Variants in ADGRB3 observed in about 807,000 individuals in gnomAD.
ADGRB3 encodes brain-specific angiogenesis inhibitor 3.
ADGRB3 carries 37 observed loss-of-function variants against 193.4 expected under a neutral mutation model. The ratio of observed to expected loss-of-function variants is 0.19; its 90% CI spans 0.15 to 0.25. The LOEUF is 0.25. Ranked by LOEUF, ADGRB3 falls within the 10% of genes least tolerant of loss-of-function variation. ADGRB3 has a pLI of 1.00. For synonymous variants in ADGRB3, 690 were observed against 644.2 expected, an observed-to-expected ratio of 1.07 and a Z score of -1.08; for missense variants, 1,637 against 1,852.9, an observed-to-expected ratio of 0.88 and a Z score of 2.14.
intron 13 of ADGRB3, among the ~76,000 whole-genome samples, chr6:69,029,791 T>G (rs1218681957): frequency 6.6e-6 from 1 of 152,042 alleles, no homozygotes; most frequent in Non-Finnish European, 1.5e-5. Context: ...AATTAAGATT[T>G]CCTATAATAA....
chr6:69,093,508 T>C (rs1772775219), intron 17 of ADGRB3, among the ~76,000 whole-genome samples: 1 of 149,946 alleles, frequency 6.7e-6, no homozygotes, highest in Non-Finnish European at 1.5e-5. Context: ...GATAGAGTGG[T>C]TGGGCAGCCT....
chr6:68,762,329 G>A (rs1320235873), intron 3 of ADGRB3, among the ~76,000 whole-genome samples: 1 of 151,990 alleles, frequency 6.6e-6, no homozygotes, highest in Non-Finnish European at 1.5e-5. Flanking sequence ...ATGTTAACAG[G>A]TGAAAATAAC....
intron 17 of ADGRB3, among the ~76,000 whole-genome samples, chr6:69,150,215 G>C (rs1774633664): frequency 6.6e-6 from 1 of 152,100 alleles, no homozygotes; most frequent in African/African-American, 2.4e-5. Context: ...CCAGGTCCCA[G>C]TTGAGTCCAG....
intron 26 of ADGRB3, 27 bp downstream of exon 26, chr6:69,339,531 C>T: frequency 6.2e-7 from 1 of 1,600,104 alleles, no homozygotes; most frequent in Non-Finnish European, 8.6e-7. Context: ...TGATAGAGAA[C>T]AGTGATGGTT....
At chr6:69,308,532 C>T (rs1385183367) in intron 20 of ADGRB3, among the ~76,000 whole-genome samples, 1 of 151,626 alleles carries the variant, frequency 6.6e-6, no homozygotes, top group Non-Finnish European at 1.5e-5. Context: ...AGTTTATCAA[C>T]TAAAAGCATA....
At chr6:68,720,297 C>A (rs1009058949) in intron 3 of ADGRB3, among the ~76,000 whole-genome samples, 4 of 151,670 alleles carry the variant, frequency 2.6e-5, no homozygotes, top group Admixed American at 1.3e-4. Flanking sequence ...GCTAAGACAG[C>A]CCTAAATTCA....
intron 20 of ADGRB3, among the ~76,000 whole-genome samples, chr6:69,298,848 C>T (rs1767891576): frequency 6.6e-6 from 1 of 151,918 alleles, no homozygotes; most frequent in Non-Finnish European, 1.5e-5. Context: ...AATGTAAGAG[C>T]TCAGATATCT....
intron 3 of ADGRB3, among the ~76,000 whole-genome samples, chr6:68,843,836 T>C (rs1172581620): frequency 6.6e-6 from 1 of 151,984 alleles, no homozygotes; most frequent in Admixed American, 6.6e-5. Flanking sequence ...CATAGACCAA[T>C]AGAACAAAAT....
chr6:69,259,871 C>A (rs1408219417), intron 20 of ADGRB3, among the ~76,000 whole-genome samples: 2 of 151,976 alleles, frequency 1.3e-5, no homozygotes, highest in African/African-American at 2.4e-5. Context: ...TAATTGAATT[C>A]TTTAAGCTGT....
chr6:69,298,904 T>C (rs559898944), intron 20 of ADGRB3, among the ~76,000 whole-genome samples: 1 of 152,082 alleles, frequency 6.6e-6, no homozygotes, highest in African/African-American at 2.4e-5. Flanking sequence ...ACCCAGCAGT[T>C]GGATTGCTGG....
chr6:68,741,277 C>T (rs1043150542), intron 3 of ADGRB3, among the ~76,000 whole-genome samples: 3 of 152,146 alleles, frequency 2.0e-5, no homozygotes, highest in Non-Finnish European at 4.4e-5. Flanking sequence ...GAAACTAAGG[C>T]ACCCGGAGAT....
intron 12 of ADGRB3, among the ~76,000 whole-genome samples, chr6:69,014,947 G>A (rs991669111): frequency 1.3e-5 from 2 of 151,728 alleles, no homozygotes; most frequent in African/African-American, 4.8e-5. Context: ...TGTGACAGGA[G>A]CTCTAAAAAT....
chr6:69,322,987 T>C (rs1362331905), intron 20 of ADGRB3, among the ~76,000 whole-genome samples: 2 of 151,948 alleles, frequency 1.3e-5, no homozygotes, highest in African/African-American at 2.4e-5. Flanking sequence ...AAATTACATG[T>C]GCTTCAATTT....
chr6:68,884,398 G>T (rs1285453062), intron 3 of ADGRB3, among the ~76,000 whole-genome samples: 2 of 152,160 alleles, frequency 1.3e-5, no homozygotes, highest in Admixed American at 6.6e-5. Flanking sequence ...TAAAATAATA[G>T]ATTGACCTAA....
At chr6:69,225,158 G>A (rs1193949325) in intron 17 of ADGRB3, among the ~76,000 whole-genome samples, 6 of 151,970 alleles carry the variant, frequency 3.9e-5, no homozygotes, top group African/African-American at 9.7e-5. Context: ...GACTTTTGTT[G>A]ATAAACTCTT....
At chr6:68,926,476 C>T (rs76912842) in intron 3 of ADGRB3, among the ~76,000 whole-genome samples, 2,543 of 152,106 alleles carry the variant, frequency 0.017, 61 homozygotes, top group African/African-American at 0.058. Flanking sequence ...ATGTAAGAAA[C>T]GGTGCAGTGG....
intron 17 of ADGRB3, among the ~76,000 whole-genome samples, chr6:69,158,779 C>T (rs1471531188): frequency 6.6e-6 from 1 of 152,002 alleles, no homozygotes; most frequent in Admixed American, 6.6e-5. Context: ...TCATCTACTT[C>T]AAAGGGATCA....
intron 3 of ADGRB3, among the ~76,000 whole-genome samples, chr6:68,813,477 T>C (rs569314801): frequency 1.3e-5 from 2 of 152,066 alleles, no homozygotes; most frequent in African/African-American, 4.8e-5. Flanking sequence ...TTAGACCTAA[T>C]ATTACCTGTA....
intron 17 of ADGRB3, among the ~76,000 whole-genome samples, chr6:69,224,439 G>C (rs775333014): frequency 2.6e-5 from 4 of 152,024 alleles, no homozygotes; most frequent in Non-Finnish European, 5.9e-5. Context: ...TTGGTTCCTA[G>C]CCCAGACCAA....
Sources: allele counts gnomAD v4.1 joint callset (sites outside exome capture counted in the v4.1 genomes callset), GRCh38; gene constraint gnomAD v4.1.1; transcripts MANE v1.5; gene names NCBI Gene and HGNC (gene_info 2026-07-23, HGNC 2026-07-21).